The following ZBTB32 variants were observed in gnomAD, a reference collection of about 807,000 sequenced individuals.
ZBTB32 encodes zinc finger and BTB domain containing 32, also known as zinc finger and BTB domain-containing protein 32.
ZBTB32 carries 28 observed loss-of-function variants against 45.3 expected under a neutral mutation model. That is an observed-to-expected ratio of 0.62 (90% CI 0.46 to 0.85). The LOEUF (loss-of-function observed/expected upper bound fraction) is 0.85, where lower values mean the gene tolerates loss of function less well. Among genes scored for constraint, ZBTB32 ranks in the 40% least tolerant of loss-of-function variants. The probability of loss-of-function intolerance (pLI) is 0.00; values close to 1 mark genes in which losing one functional copy is unlikely to be tolerated. For missense variants in ZBTB32, 587 were observed against 624.4 expected (o/e 0.94, Z 0.64); for synonymous variants, 283 against 255.7 (o/e 1.11, Z -1.02).
intron 2 of ZBTB32, chr19:35,713,671 T>C (rs1968767592): frequency 6.6e-6 from 1 of 152,320 alleles, no homozygotes; most frequent in Non-Finnish European, 1.5e-5. Context: ...CCCAGCTCTC[T>C]TCTTAAAAGC....
chr19:35,716,369 C>G (rs1025479988), intron 6 of ZBTB32, 72 bp downstream of exon 6: 1 of 1,595,932 alleles, frequency 6.3e-7, no homozygotes, highest in African/African-American at 1.3e-5. Context: ...CACCTGTGTG[C>G]CCGGTTCCCG....
At chr19:35,713,305 C>A (rs1272881592) in intron 2 of ZBTB32, 1 of 152,208 alleles carries the variant, frequency 6.6e-6, no homozygotes, top group Non-Finnish European at 1.5e-5. Context: ...GGTTAGAAAA[C>A]CACACCCCTT....
At chr19:35,712,281 G>C (rs1968723969) in intron 1 of ZBTB32, among the ~76,000 whole-genome samples, 1 of 152,140 alleles carries the variant, frequency 6.6e-6, no homozygotes, top group South Asian at 2.1e-4. Context: ...GGGTAACATA[G>C]TGAGACCCCT....
Position 35,714,899 on chromosome 19 carries a change from G to A in ZBTB32, c.273G>A (p.Arg91=). ...TAGAGCTGCAGCCTGGAGAGCTAAG[G>A]CCCCTTCAGGAGGCGGCCAGGGCCT... The part of the protein sequence containing the change: ...ESVELQPGEL[R]PLQEAARALG... The change falls in exon 3 of 7, where the codon AGG becomes AGA. Residue 91 remains arginine (R), a synonymous_variant. Transcript: ENST00000392197. The A allele has an allele frequency of 6.3e-7, 1 of 1,586,004 alleles. No individual in the cohort carries two copies. The highest frequency in any genetic ancestry group is 8.6e-7 in the Non-Finnish European group (1 of 1,165,352).
rs368774016 is a variant in ZBTB32 at position 35,716,138 on chromosome 19, C to G, written c.1030C>G (p.Leu344Val). ...TGCCTTCTCTGTCCCCACAGGCGCA[C>G]TTGCAACCTGTGCGGGTCATGAGGA... ...EESDQGHTGA[L>V]ATCAGHEDKA... The change falls in exon 6 of 7, where the codon CTT becomes GTT. Residue 344 changes from leucine to valine, a missense_variant. Transcript: ENST00000392197. 19 of 1,613,752 alleles carry G rather than the reference C, an allele frequency of 1.2e-5. No homozygotes were observed. Among genetic ancestry groups the G allele is most frequent in the Admixed American group, 1.7e-5 (1 of 59,994 alleles).
In ZBTB32 at chr19:35,715,485, C is replaced by T; in HGVS notation, c.859C>T (p.Gln287Ter). 6.4e-7 allele frequency: 1 copy of T among 1,552,012 alleles called. No individual in the cohort carries two copies. Among genetic ancestry groups the T allele is most frequent in the Non-Finnish European group, 8.7e-7 (1 of 1,151,068 alleles). The change falls in exon 3 of 7, where the codon CAG becomes TAG. Residue 287 changes from glutamine to a stop codon, truncating the protein, a stop_gained. Transcript: ENST00000392197. LOFTEE classifies it high-confidence loss of function. ...YHSTPTTGAWQEVWREQRIPL... is the reference protein window; with the variant it reads ...YHSTPTTGAW Reference sequence around the variant, plus strand: ...TAGCACCCCCACCACTGGAGCCTGGCAGGAGGTCTGGCGGGAACAGAGGTG... The same window carrying T: ...TAGCACCCCCACCACTGGAGCCTGGTAGGAGGTCTGGCGGGAACAGAGGTG...
Position 35,716,630 on chromosome 19 carries a change from C to A in ZBTB32, c.1342C>A (p.Arg448Ser), listed in dbSNP as rs1025892559. 1 of 1,613,556 alleles carries A rather than the reference C, an allele frequency of 6.2e-7. No individual in the cohort carries two copies. Among genetic ancestry groups the A allele is most frequent in the African/African-American group, 1.3e-5 (1 of 74,954 alleles). Reference sequence around the variant, plus strand: ...CCTGGCCTCCATGCAGGCGCACATGCGCGGTCACTCGCCCAGCCAACTCCC... The same window carrying A: ...CCTGGCCTCCATGCAGGCGCACATGAGCGGTCACTCGCCCAGCCAACTCCC... ...PSLASMQAHM[R>S]GHSPSQLPPG... is the part of the protein sequence containing the mutation. The change falls in exon 7 of 7, where the codon CGC becomes AGC. Residue 448 changes from arginine to serine, a missense_variant. Physicochemically the swap from Arg to Ser is moderately radical, Grantham distance 110. Coordinates refer to ENST00000392197, the MANE Select transcript of ZBTB32 (RefSeq NM_014383.3).
In ZBTB32 at chr19:35,715,102, G is replaced by A. The variant is rs1350056124; in HGVS notation, c.476G>A (p.Gly159Glu). The A allele has an allele frequency of 3.1e-6, 5 of 1,613,950 alleles. No homozygotes were observed. The highest frequency in any genetic ancestry group is 4.2e-6 in the Non-Finnish European group (5 of 1,180,032). ...QKPEQVSRTG[G>E]REQEMLHKHS... ...CCAGAACAGGTTTCTAGAACTGGTG[G>A]GAGAGAACAGGAGATGTTGCACAAG... is the stretch of plus-strand genomic sequence containing the variant. Residue 159 changes from glycine to glutamate, a missense_variant, in exon 3 of 7, where the codon GGG becomes GAG. Gly to Glu is a moderately conservative substitution (Grantham distance 98). Coordinates refer to ENST00000392197, the MANE Select transcript of ZBTB32 (RefSeq NM_014383.3).
chr19:35,715,590 T>G, intron 3 of ZBTB32, 83 bp downstream of exon 3: 2 of 1,488,402 alleles, frequency 1.3e-6, no homozygotes, highest in South Asian at 2.7e-5. Context: ...GGAAGGGCAC[T>G]GCATCTCTAC....
At chr19:35,716,414 T>C in intron 6 of ZBTB32, 64 bp from the exon 7 acceptor site, 1 of 1,585,638 alleles carries the variant, frequency 6.3e-7, no homozygotes, top group East Asian at 2.2e-5. Flanking sequence ...GATCCACCCC[T>C]AACTTGGCCA....
chr19:35,705,779 C>T (rs1334435573), intron 1 of ZBTB32, among the ~76,000 whole-genome samples: 4 of 151,692 alleles, frequency 2.6e-5, no homozygotes, highest in Non-Finnish European at 2.9e-5. Context: ...GGTGTGGTGG[C>T]AGGTGCCTGT....
Position 35,716,969 on chromosome 19 carries a change from C to CGAA in ZBTB32, c.*219_*221dup. On this transcript the variant is annotated 3_prime_UTR_variant, in exon 7 of 7. Transcript: ENST00000392197. The stretch of plus-strand genomic sequence containing the variant: ...GTGAGGACACTGAAGTGTGCAGGAG[C>CGAA]GAAGGTTAACAGTAGGGGAGATTGT... 1 of 593,868 alleles carries CGAA rather than the reference C, an allele frequency of 1.7e-6. No homozygotes were observed. Among genetic ancestry groups the CGAA allele is most frequent in the Non-Finnish European group, 3.0e-6 (1 of 335,162 alleles). The allele number at this position is 593,868 out of a possible 1,614,324, so 36.8% of individuals were successfully genotyped here. A position where few individuals can be genotyped will look rare whatever the true frequency, so the allele number is the denominator to read the frequency against.
chr19:35,712,633 G>A (rs1293826222), intron 1 of ZBTB32, among the ~76,000 whole-genome samples: 1 of 152,212 alleles, frequency 6.6e-6, no homozygotes, highest in Non-Finnish European at 1.5e-5. Context: ...CCCTTGGGCA[G>A]GAAGTGAAAG....
chr19:35,716,885 G>A lies in ZBTB32; in HGVS notation c.*133G>A. On this transcript the variant is annotated 3_prime_UTR_variant, in exon 7 of 7. Coordinates refer to ENST00000392197, the MANE Select transcript of ZBTB32 (RefSeq NM_014383.3). ...CCAGAAGCGCCCCAGGAAGGGCGCC[G>A]AGTGCCCTCTCCTGGACGATCGCGG... The A allele has an allele frequency of 9.5e-7, 1 of 1,053,980 alleles. No homozygotes were observed. Among genetic ancestry groups the A allele is most frequent in the Non-Finnish European group, 1.4e-6 (1 of 739,442 alleles). 65.3% of individuals were successfully genotyped at this position (1,053,980 alleles called of 1,614,324 possible). A position where few individuals can be genotyped will look rare whatever the true frequency, so the allele number is the denominator to read the frequency against.
chr19:35,708,310 G>A (rs987727125), intron 1 of ZBTB32, among the ~76,000 whole-genome samples: 3 of 152,184 alleles, frequency 2.0e-5, no homozygotes, highest in Admixed American at 6.5e-5. Context: ...TTTGGTCCAG[G>A]AAATCCAGGG....
At chr19:35,707,164 C>CAGG (rs1218149776) in intron 1 of ZBTB32, among the ~76,000 whole-genome samples, 1 of 144,824 alleles carries the variant, frequency 6.9e-6, no homozygotes, top group African/African-American at 2.6e-5. Flanking sequence ...CACTGCACTC[C>CAGG]AGGCTGGGTG....
In ZBTB32 at chr19:35,716,873, AG is replaced by A; in HGVS notation, c.*123del. The A allele has an allele frequency of 8.1e-7, 1 of 1,232,980 alleles. No individual in the cohort carries two copies. Among genetic ancestry groups the A allele is most frequent in the African/African-American group, 1.5e-5 (1 of 65,960 alleles). 76.4% of individuals were successfully genotyped at this position (1,232,980 alleles called of 1,614,324 possible). On this transcript the variant is annotated 3_prime_UTR_variant, in exon 7 of 7. Transcript: ENST00000392197. ...GCAAATTCCGCCCCAGAAGCGCCCC[AG>A]GAAGGGCGCCGAGTGCCCTCTCCTG...
chr19:35,705,709 G>C (rs1240417964), intron 1 of ZBTB32, among the ~76,000 whole-genome samples: 1 of 150,972 alleles, frequency 6.6e-6, no homozygotes, highest in Non-Finnish European at 1.5e-5. Flanking sequence ...TCAGGAGCTC[G>C]AGACCAGCCT....
At chr19:35,704,759 C>G (rs1968497828) in intron 1 of ZBTB32, 136 bp downstream of exon 1, 1 of 152,286 alleles carries the variant, frequency 6.6e-6, no homozygotes, top group East Asian at 1.9e-4. Flanking sequence ...TTGGGGCTTT[C>G]CTCTGCCTTT....
Sources: allele counts gnomAD v4.1 joint callset (sites outside exome capture counted in the v4.1 genomes callset), GRCh38; gene constraint gnomAD v4.1.1; transcripts MANE v1.5; gene names NCBI Gene and HGNC (gene_info 2026-07-23, HGNC 2026-07-21).